PPP1R7: variants seen among roughly 807,000 people sequenced by gnomAD.
The protein encoded by PPP1R7 is protein phosphatase 1 regulatory subunit 7, also known as protein phosphatase 1 regulatory subunit 22.
PPP1R7 carries 18 observed loss-of-function variants against 45.2 expected under a neutral mutation model. That is an observed-to-expected ratio of 0.40 (90% confidence interval 0.28 to 0.59). PPP1R7 has a LOEUF of 0.59. PPP1R7 is among the 20% of genes least tolerant of loss of function. PPP1R7 has a pLI of 0.46. For missense variants in PPP1R7, 314 were observed against 455.8 expected (o/e 0.69, Z 2.83); for synonymous variants, 181 against 183.4 (o/e 0.99, Z 0.11).
intron 4 of PPP1R7, 133 bp downstream of exon 4, chr2:241,158,682 C>G (rs1473343073): frequency 1.2e-6 from 1 of 826,152 alleles, no homozygotes; most frequent in Non-Finnish European, 2.0e-6. Context: ...CACCTTGTAG[C>G]AGGCCTTTCT....
chr2:241,160,611 A>AT (rs904725510), intron 6 of PPP1R7, 117 bp downstream of exon 6: 50 of 937,012 alleles, frequency 5.3e-5, no homozygotes, highest in African/African-American at 8.8e-5. Flanking sequence ...CAATGCTGTG[A>AT]TTTTTTTCAT....
Position 241,172,874 on chromosome 2 carries a change from A to G in PPP1R7, c.906+3007A>G, listed in dbSNP as rs13412997. ...TGGAATTTAATATTATGGATACACAATTCTAGCTTGAGAGATTTTTTTTTC... is the reference window on the plus strand; with the variant it reads ...TGGAATTTAATATTATGGATACACAGTTCTAGCTTGAGAGATTTTTTTTTC... On this transcript the variant is annotated intron_variant, in intron 9 of 9. Transcript: ENST00000234038. Among the ~76,000 whole-genome samples the G allele has an allele frequency of 9.0e-3, 1,372 of 152,108 alleles. 24 individuals carry two copies. Among genetic ancestry groups the G allele is most frequent in the African/African-American group, 0.031 (1,270 of 41,528 alleles).
intron 9 of PPP1R7, among the ~76,000 whole-genome samples, chr2:241,173,714 G>A (rs1010374121): frequency 9.2e-5 from 14 of 152,166 alleles, no homozygotes; most frequent in South Asian, 2.1e-4. Context: ...TGGCACTAGC[G>A]AGGCCCCTGA....
At chr2:241,157,674 C>G (rs2067488670) in intron 2 of PPP1R7, 133 bp from the exon 3 acceptor site, 1 of 766,208 alleles carries the variant, frequency 1.3e-6, no homozygotes, top group Non-Finnish European at 2.2e-6. Flanking sequence ...AGCAAACCTT[C>G]CCATTGGTTC....
intron 9 of PPP1R7, among the ~76,000 whole-genome samples, chr2:241,178,493 G>T: frequency 7.3e-6 from 1 of 137,624 alleles, no homozygotes; most frequent in Admixed American, 7.6e-5. Context: ...GTCTGGCTCT[G>T]TCACCCAGGC....
At chr2:241,153,676 C>G in intron 2 of PPP1R7, 72 bp downstream of exon 2, 4 of 1,570,118 alleles carry the variant, frequency 2.5e-6, no homozygotes, top group Admixed American at 1.7e-5. Flanking sequence ...TGGTCTGGCC[C>G]TGGGTGTGGG....
At chr2:241,182,596 G>T in intron 9 of PPP1R7, 51 bp from the exon 10 acceptor site, 1 of 1,601,736 alleles carries the variant, frequency 6.2e-7, no homozygotes, top group Non-Finnish European at 8.5e-7. Flanking sequence ...CACCAGAGTC[G>T]AGGGCTGGGC....
chr2:241,169,726 G>A (rs959436990), intron 8 of PPP1R7, 55 bp from the exon 9 acceptor site: 1 of 1,463,620 alleles, frequency 6.8e-7, no homozygotes, highest in Non-Finnish European at 9.6e-7. Context: ...GCGTGGTCAT[G>A]CAAATCACTG....
intron 6 of PPP1R7, 144 bp downstream of exon 6, chr2:241,160,638 AT>A: frequency 3.7e-6 from 3 of 816,542 alleles, no homozygotes; most frequent in Non-Finnish European, 5.4e-6. Flanking sequence ...GGAAATTACT[AT>A]TTTTTTAAGA....
At chr2:241,178,189 G>C (rs1309128109) in intron 9 of PPP1R7, among the ~76,000 whole-genome samples, 1 of 152,214 alleles carries the variant, frequency 6.6e-6, no homozygotes, top group Non-Finnish European at 1.5e-5. Context: ...TGTGTGCCTG[G>C]CCTGGGCCCA....
At chr2:241,154,961 A>C (rs988426389) in intron 2 of PPP1R7, 3 of 152,244 alleles carry the variant, frequency 2.0e-5, no homozygotes, top group African/African-American at 7.2e-5. Flanking sequence ...AACTATGGCA[A>C]CCTACTTTTA....
intron 7 of PPP1R7, 133 bp downstream of exon 7, chr2:241,163,534 A>T: frequency 1.5e-6 from 1 of 661,028 alleles, no homozygotes; most frequent in Non-Finnish European, 2.7e-6. Context: ...CAATTGAAAC[A>T]TTAGATGCCA....
chr2:241,150,100 C>A, upstream of PPP1R7: 10 of 1,265,344 alleles, frequency 7.9e-6, no homozygotes, highest in Non-Finnish European at 1.0e-5. Context: ...GAAAGATCCG[C>A]CTGGCCCGCG....
intron 6 of PPP1R7, 86 bp downstream of exon 6, chr2:241,160,580 A>G: frequency 4.3e-6 from 5 of 1,157,162 alleles, no homozygotes; most frequent in Non-Finnish European, 5.9e-6. Flanking sequence ...TGTAGAATGC[A>G]TGGTGAGTCT....
chr2:241,175,657 T>C (rs1459063086), intron 9 of PPP1R7, among the ~76,000 whole-genome samples: 1 of 152,186 alleles, frequency 6.6e-6, no homozygotes, highest in Non-Finnish European at 1.5e-5. Context: ...TGCAGTAGCA[T>C]GATCATGGCT....
chr2:241,171,389 A>AT, intron 9 of PPP1R7, among the ~76,000 whole-genome samples: 1 of 152,250 alleles, frequency 6.6e-6, no homozygotes, highest in Non-Finnish European at 1.5e-5. Flanking sequence ...TGATCCAATT[A>AT]TCACAGCAAC....
intron 9 of PPP1R7, among the ~76,000 whole-genome samples, chr2:241,180,309 G>T (rs2149073289): frequency 1.3e-5 from 2 of 149,570 alleles, no homozygotes; most frequent in East Asian, 3.9e-4. Flanking sequence ...TTCAGTCTTT[G>T]GGCTTCCCTG....
At chr2:241,166,595 C>T (rs1199187072) in intron 8 of PPP1R7, among the ~76,000 whole-genome samples, 154 bp downstream of exon 8, 1 of 152,216 alleles carries the variant, frequency 6.6e-6, no homozygotes, top group Non-Finnish European at 1.5e-5. Flanking sequence ...ATCCTAAAAA[C>T]TAAGGGACCC....
intron 7 of PPP1R7, among the ~76,000 whole-genome samples, chr2:241,164,237 C>T (rs77522688): frequency 2.0e-5 from 3 of 152,148 alleles, no homozygotes; most frequent in African/African-American, 4.8e-5. Context: ...CCTCCCCCTT[C>T]TGCCCCAGTA....
Sources: gnomAD v4.1 joint callset for allele counts (sites outside exome capture counted in the v4.1 genomes callset) on GRCh38, gnomAD v4.1.1 for gene constraint, MANE v1.5 for transcripts, NCBI Gene and HGNC (gene_info 2026-07-23, HGNC 2026-07-21) for gene names.